C14orf132: variants seen among roughly 807,000 people sequenced by gnomAD.
C14orf132 encodes the protein chromosome 14 open reading frame 132, also known as uncharacterized protein C14orf132.
Under a neutral mutation model 5.8 loss-of-function variants are expected in C14orf132, and 6 were observed. The ratio of observed to expected loss-of-function variants is 1.03; its 90% CI spans 0.57 to 2.04. C14orf132 has a LOEUF of 2.04. Among genes scored for constraint, C14orf132 ranks in the 30% most tolerant of loss-of-function variants. The pLI is 0.00. For missense variants in C14orf132, 125 were observed against 115.8 expected, an observed-to-expected ratio of 1.08 and a Z score of -0.37; for synonymous variants, 51 against 49.8, an observed-to-expected ratio of 1.02 and a Z score of -0.10.
At position 96,086,571 on chromosome 14, in the gene C14orf132, T is replaced by A; in HGVS notation, c.88T>A (p.Ser30Thr). Residue 30 changes from serine to threonine, a missense_variant, in exon 2 of 2, where the codon TCC (serine) becomes ACC (threonine). Coordinates refer to ENST00000555004, the MANE Select transcript of C14orf132 (RefSeq NM_001252507.3). ...SPNEDFSTEY[S>T]LFNSSANVHA... ...CAACGAGGACTTCAGCACCGAGTAC[T>A]CCCTGTTTAACTCCTCTGCCAATGT... 1 of 1,536,106 alleles carries A rather than the reference T, an allele frequency of 6.5e-7. No individual in the cohort carries two copies. Among genetic ancestry groups the A allele is most frequent in the Non-Finnish European group, 8.7e-7 (1 of 1,146,902 alleles).
intron 1 of C14orf132, among the ~76,000 whole-genome samples, chr14:96,049,608 A>C (rs55762201): frequency 1.1e-5 from 1 of 90,268 alleles, no homozygotes; most frequent in African/African-American, 4.1e-5. Context: ...ACGTATATAT[A>C]TACATATATA....
intron 1 of C14orf132, among the ~76,000 whole-genome samples, chr14:96,053,577 G>A (rs887490462): frequency 6.6e-6 from 1 of 152,350 alleles, no homozygotes; most frequent in East Asian, 1.9e-4. Flanking sequence ...GGAGCAGGCA[G>A]GCCCCCTCCT....
intron 1 of C14orf132, among the ~76,000 whole-genome samples, chr14:96,062,969 T>C (rs1355728243): frequency 6.6e-6 from 1 of 152,098 alleles, no homozygotes; most frequent in Non-Finnish European, 1.5e-5. Flanking sequence ...ACACTGAGGA[T>C]CAAAGACACA....
chr14:96,066,005 C>G (rs10135573), intron 1 of C14orf132, among the ~76,000 whole-genome samples: 1,740 of 152,296 alleles, frequency 0.011, 31 homozygotes, highest in African/African-American at 0.04. Context: ...GCCTGAACTT[C>G]CCATAGCTGA....
chr14:96,081,260 A>G (rs1319650047), intron 1 of C14orf132, among the ~76,000 whole-genome samples: 1 of 152,198 alleles, frequency 6.6e-6, no homozygotes. Flanking sequence ...CTTTTCCCCT[A>G]GAAAGCATTT....
At chr14:96,042,814 C>G (rs770537830) in intron 1 of C14orf132, among the ~76,000 whole-genome samples, 15 of 152,320 alleles carry the variant, frequency 9.8e-5, no homozygotes, top group South Asian at 2.1e-4. Flanking sequence ...CTCCCCTACC[C>G]TGGAAACACC....
At chr14:96,042,310 G>A (rs963543182) in intron 1 of C14orf132, among the ~76,000 whole-genome samples, 13 of 152,238 alleles carry the variant, frequency 8.5e-5, no homozygotes, top group Non-Finnish European at 1.5e-4. Context: ...GATTGCTGGG[G>A]TGAGAAGTTT....
At chr14:96,054,343 G>A (rs919621696) in intron 1 of C14orf132, among the ~76,000 whole-genome samples, 3 of 152,296 alleles carry the variant, frequency 2.0e-5, no homozygotes, top group East Asian at 3.9e-4. Flanking sequence ...TCTCATTTGT[G>A]CAGTGCACTG....
At chr14:96,081,557 T>C (rs1888032534) in intron 1 of C14orf132, among the ~76,000 whole-genome samples, 1 of 152,206 alleles carries the variant, frequency 6.6e-6, no homozygotes. Context: ...CGGAAAAGCG[T>C]AGGCAGAAAA....
At chr14:96,074,749 C>T (rs1231332619) in intron 1 of C14orf132, among the ~76,000 whole-genome samples, 2 of 151,898 alleles carry the variant, frequency 1.3e-5, no homozygotes, top group Admixed American at 6.6e-5. Context: ...ATGTGCATCT[C>T]ATTTCTGGAC....
chr14:96,075,462 G>C (rs921090123), intron 1 of C14orf132, among the ~76,000 whole-genome samples: 1 of 152,120 alleles, frequency 6.6e-6, no homozygotes, highest in African/African-American at 2.4e-5. Context: ...TTTTGAATGG[G>C]AGTGGTGAGG....
At chr14:96,063,875 T>A (rs1566828923) in intron 1 of C14orf132, among the ~76,000 whole-genome samples, 1 of 151,194 alleles carries the variant, frequency 6.6e-6, no homozygotes, top group African/African-American at 2.4e-5. Flanking sequence ...AAATCAGTAA[T>A]AAAAAAAATA....
chr14:96,039,922 C>T lies in C14orf132; in HGVS notation c.27+395C>T, dbSNP rs1217136797. ...GCGAACGTGGATGGGCACACAGTCT[C>T]GCCCTTCCCCACTCTGTTTTCCCGA... On this transcript the variant is annotated intron_variant, in intron 1 of 1. Coordinates refer to ENST00000555004, the MANE Select transcript of C14orf132 (RefSeq NM_001252507.3). The surrounding 1 kb of genome is among the most constrained non-coding windows in gnomAD (Gnocchi z 5.3). Among the ~76,000 whole-genome samples, 8 of 152,178 alleles carry T rather than the reference C, an allele frequency of 5.3e-5. No individual in the cohort carries two copies. The highest frequency in any genetic ancestry group is 1.2e-4 in the Non-Finnish European group (8 of 68,016).
At position 96,086,915 on chromosome 14, in the gene C14orf132, G is replaced by A; in HGVS notation, c.*180G>A. ...ATATCCCATGTTGTGGTCAAGCTGAGTCAGAAGACATGGAAGTATGGGCCT... is the reference window on the plus strand; with the variant it reads ...ATATCCCATGTTGTGGTCAAGCTGAATCAGAAGACATGGAAGTATGGGCCT... On this transcript the variant is annotated 3_prime_UTR_variant, in exon 2 of 2. Transcript: ENST00000555004. The A allele has an allele frequency of 1.5e-6, 1 of 675,634 alleles. No homozygotes were observed. The allele number at this position is 675,634 out of a possible 1,614,324, so 41.9% of individuals were successfully genotyped here.
At position 96,092,780 on chromosome 14, in the gene C14orf132, G is replaced by C. The variant is rs919675719; in HGVS notation, c.*6045G>C. 5.9e-5 allele frequency: 9 copies of C among 152,228 alleles called. No individual in the cohort carries two copies. The highest frequency in any genetic ancestry group is 1.0e-4 in the Non-Finnish European group (7 of 68,054). The allele number at this position is 152,228 out of a possible 1,614,324, so 9.4% of individuals were successfully genotyped here. On this transcript the variant is annotated 3_prime_UTR_variant, in exon 2 of 2. Coordinates refer to ENST00000555004, the MANE Select transcript of C14orf132 (RefSeq NM_001252507.3). ...TCGAGTTTTCACTAGGAGACTTAGT[G>C]GTGGCTTTCATGAGGCCAGTCGTTC... is the stretch of plus-strand genomic sequence containing the variant.
chr14:96,039,835 C>T lies in C14orf132; in HGVS notation c.27+308C>T, dbSNP rs1356218626. Among the ~76,000 whole-genome samples the T allele has an allele frequency of 6.6e-6, 1 of 152,190 alleles. No homozygotes were observed. The highest frequency in any genetic ancestry group is 1.5e-5 in the Non-Finnish European group (1 of 68,010). On this transcript the variant is annotated intron_variant, in intron 1 of 1. Coordinates refer to ENST00000555004, the MANE Select transcript of C14orf132 (RefSeq NM_001252507.3). The surrounding 1 kb of genome is among the most constrained non-coding windows in gnomAD (Gnocchi z 5.3). ...CCGAGTCGCCCCCTTCTGCCCATCC[C>T]CCACTGCTGTCCCCCTTCTGGGGTC...
intron 1 of C14orf132, among the ~76,000 whole-genome samples, chr14:96,073,884 GC>G (rs1365083866): frequency 2.0e-5 from 3 of 152,200 alleles, no homozygotes; most frequent in Non-Finnish European, 2.9e-5. Flanking sequence ...CATGTCCTTT[GC>G]AGGGACATGG....
chr14:96,078,769 T>A (rs1887949043), intron 1 of C14orf132, among the ~76,000 whole-genome samples: 1 of 152,166 alleles, frequency 6.6e-6, no homozygotes, highest in Non-Finnish European at 1.5e-5. Context: ...CCTGCCTGCC[T>A]GTTCACGGTC....
At chr14:96,061,429 A>T (rs532438587) in intron 1 of C14orf132, among the ~76,000 whole-genome samples, 2 of 152,244 alleles carry the variant, frequency 1.3e-5, no homozygotes, top group African/African-American at 2.4e-5. Context: ...TCATTTAAGG[A>T]GCTAACTGTG....
Sources: gnomAD v4.1 joint callset for allele counts (sites outside exome capture counted in the v4.1 genomes callset) on GRCh38, gnomAD v4.1.1 for gene constraint, Gnocchi (gnomAD v3.1) non-coding constraint, MANE v1.5 for transcripts, NCBI Gene and HGNC (gene_info 2026-07-23, HGNC 2026-07-21) for gene names.